Variants in XKR6 observed in about 807,000 individuals in gnomAD.
XKR6 encodes XK-related protein 6.
XKR6 carries 22 observed loss-of-function variants against 56.7 expected under a neutral mutation model. The observed-to-expected ratio is 0.39, with a 90% CI of 0.28 to 0.55. The LOEUF is 0.55. Ranked by LOEUF, XKR6 falls within the 20% of genes least tolerant of loss-of-function variation. The pLI, the probability that XKR6 is intolerant of heterozygous loss-of-function variation, is 0.66. For synonymous variants in XKR6, 524 were observed against 387.8 expected, an observed-to-expected ratio of 1.35 and a Z score of -4.13; for missense variants, 852 against 889.0, an observed-to-expected ratio of 0.96 and a Z score of 0.53.
In XKR6 at chr8:11,201,391, G is replaced by GAT; in HGVS notation, c.-53_-52insAT. On this transcript the variant is annotated 5_prime_UTR_variant, in exon 1 of 3. Transcript: ENST00000416569. ...TTGGGGGGGAGGGACGGCGGGGGGG[G>GAT]GGGGAAGAAGGCAGGGAACGGGGAG... 1 of 1,071,906 alleles carries GAT rather than the reference G, an allele frequency of 9.3e-7. No homozygotes were observed. The highest frequency in any genetic ancestry group is 1.7e-5 in the South Asian group (1 of 57,382). The allele number at this position is 1,071,906 out of a possible 1,614,324, so 66.4% of individuals were successfully genotyped here.
chr8:10,989,853 T>C (rs998416780), intron 1 of XKR6, among the ~76,000 whole-genome samples: 1 of 152,236 alleles, frequency 6.6e-6, no homozygotes, highest in Non-Finnish European at 1.5e-5. Flanking sequence ...ACAGATGTCA[T>C]GTAAAAATGA....
chr8:11,147,454 G>A (rs2116960017), intron 1 of XKR6, among the ~76,000 whole-genome samples: 1 of 151,660 alleles, frequency 6.6e-6, no homozygotes, highest in South Asian at 2.1e-4. Flanking sequence ...TCAAGAGATC[G>A]AGACAATCCT....
chr8:11,160,186 A>T (rs564995740), intron 1 of XKR6, among the ~76,000 whole-genome samples: 2 of 151,894 alleles, frequency 1.3e-5, no homozygotes, highest in South Asian at 4.2e-4. Flanking sequence ...TATGAAGAAA[A>T]TGTACGTCAG....
At chr8:10,900,736 T>C (rs569137450) in intron 2 of XKR6, among the ~76,000 whole-genome samples, 2 of 152,188 alleles carry the variant, frequency 1.3e-5, no homozygotes, top group Non-Finnish European at 2.9e-5. Context: ...TGGCTGCACA[T>C]GGTTGGTCAG....
At chr8:11,105,207 T>C (rs1586550876) in intron 1 of XKR6, 1 of 152,206 alleles carries the variant, frequency 6.6e-6, no homozygotes, top group Admixed American at 6.5e-5. Flanking sequence ...CTCATCCTTC[T>C]GACTTCACAA....
intron 1 of XKR6, among the ~76,000 whole-genome samples, chr8:10,977,018 G>C (rs1353608724): frequency 1.3e-5 from 2 of 152,102 alleles, no homozygotes; most frequent in African/African-American, 2.4e-5. Flanking sequence ...GACCAGAAAA[G>C]GATGAACAGC....
chr8:10,940,469 A>G (rs1214616434), intron 1 of XKR6, among the ~76,000 whole-genome samples: 1 of 152,214 alleles, frequency 6.6e-6, no homozygotes, highest in Non-Finnish European at 1.5e-5. Context: ...GGCTGGGCAG[A>G]GGCCATAGTA....
intron 1 of XKR6, among the ~76,000 whole-genome samples, chr8:11,114,727 A>ATATGTGTG (rs781375847): frequency 1.5e-4 from 18 of 118,362 alleles, no homozygotes; most frequent in Non-Finnish European, 2.7e-4. Flanking sequence ...TAGATCACAT[A>ATATGTGTG]TGTGTGTGTG....
chr8:11,056,691 T>C (rs1416360621), intron 1 of XKR6, among the ~76,000 whole-genome samples: 2 of 152,324 alleles, frequency 1.3e-5, no homozygotes, highest in East Asian at 1.9e-4. Flanking sequence ...ATGTCACCAT[T>C]GATTTAGGTG....
intron 1 of XKR6, among the ~76,000 whole-genome samples, chr8:10,997,484 C>A (rs949991741): frequency 6.6e-6 from 1 of 152,104 alleles, no homozygotes; most frequent in African/African-American, 2.4e-5. Flanking sequence ...TTCCACAGAC[C>A]CTGCCTTATT....
chr8:11,129,694 T>C (rs1453563410), intron 1 of XKR6, among the ~76,000 whole-genome samples: 1 of 152,246 alleles, frequency 6.6e-6, no homozygotes, highest in Non-Finnish European at 1.5e-5. Context: ...AAATTTATCA[T>C]AAATCTATAA....
chr8:11,170,865 A>G, intron 1 of XKR6, among the ~76,000 whole-genome samples: 1 of 152,294 alleles, frequency 6.6e-6, no homozygotes, highest in East Asian at 1.9e-4. Context: ...AATGTTGGAG[A>G]ATATTCTGAG....
At chr8:10,955,666 C>G (rs1801865317) in intron 1 of XKR6, among the ~76,000 whole-genome samples, 1 of 152,098 alleles carries the variant, frequency 6.6e-6, no homozygotes, top group African/African-American at 2.4e-5. Context: ...GGAGGTGAAC[C>G]CAAGCTATGT....
At chr8:11,065,829 T>C (rs1349766817) in intron 1 of XKR6, among the ~76,000 whole-genome samples, 2 of 152,184 alleles carry the variant, frequency 1.3e-5, no homozygotes, top group African/African-American at 2.4e-5. Flanking sequence ...TGTCCTCAAA[T>C]AGGCAGTGGC....
intron 1 of XKR6, among the ~76,000 whole-genome samples, chr8:11,178,900 T>C (rs1354357661): frequency 6.6e-6 from 1 of 151,556 alleles, no homozygotes; most frequent in East Asian, 1.9e-4. Context: ...TAGAGTGCAG[T>C]GGCACAATCA....
intron 1 of XKR6, among the ~76,000 whole-genome samples, chr8:11,027,895 C>A (rs981575277): frequency 6.6e-6 from 1 of 152,186 alleles, no homozygotes; most frequent in African/African-American, 2.4e-5. Flanking sequence ...TCTCCTCCCC[C>A]ATTATCAACA....
At chr8:11,056,551 C>T (rs764852851) in intron 1 of XKR6, among the ~76,000 whole-genome samples, 2 of 152,146 alleles carry the variant, frequency 1.3e-5, no homozygotes, top group African/African-American at 2.4e-5. Context: ...CAAAGAGCAC[C>T]ACCCCCATAA....
At chr8:11,086,647 T>C (rs1797903014) in intron 1 of XKR6, among the ~76,000 whole-genome samples, 1 of 152,194 alleles carries the variant, frequency 6.6e-6, no homozygotes, top group African/African-American at 2.4e-5. Flanking sequence ...TGAGGTTAAG[T>C]GACTTACCTC....
At chr8:11,141,799 G>C (rs749315622) in intron 1 of XKR6, among the ~76,000 whole-genome samples, 2 of 152,160 alleles carry the variant, frequency 1.3e-5, no homozygotes, top group Non-Finnish European at 2.9e-5. Context: ...AGAGGGAAAA[G>C]GTCCTGGAGC....
Sources: allele counts gnomAD v4.1 joint callset (sites outside exome capture counted in the v4.1 genomes callset), GRCh38; gene constraint gnomAD v4.1.1; transcripts MANE v1.5; gene names NCBI Gene and HGNC (gene_info 2026-07-23, HGNC 2026-07-21).